Variants in HEPH observed in about 807,000 individuals in gnomAD.
HEPH encodes the protein hephaestin.
In HEPH, 69 loss-of-function variants were observed where a neutral mutation model predicts 80.8. The observed-to-expected ratio is 0.85, with a 90% CI of 0.70 to 1.04. The LOEUF (loss-of-function observed/expected upper bound fraction) is 1.04, where lower values mean the gene tolerates loss of function less well. Among genes scored for constraint, HEPH ranks in the 50% least tolerant of loss-of-function variants. HEPH has a pLI of 0.00. For synonymous variants in HEPH, 431 were observed against 322.8 expected (o/e 1.34, Z -3.60); for missense variants, 1,115 against 891.3 (o/e 1.25, Z -3.20).
In HEPH at chrX:66,188,528, C is replaced by T. The variant is rs748284323; in HGVS notation, c.795C>T (p.Ser265=). 4 of 1,206,091 alleles carry T rather than the reference C, an allele frequency of 3.3e-6. No homozygotes were observed. The South Asian group carries it at 7.2e-5, about 22-fold the overall frequency. The change falls in exon 5 of 21, where the codon AGC becomes AGT. Residue 265 remains serine (S), a synonymous_variant. Transcript: ENST00000343002. ...VDKEDETFQE[S]NRMHAINGFV... is the part of the protein sequence containing the mutation. Reference sequence around the variant, plus strand: ...AAGAAGATGAGACATTTCAGGAGAGCAATAGGATGCATGGTGAGTTGGGAA... The same window carrying T: ...AAGAAGATGAGACATTTCAGGAGAGTAATAGGATGCATGGTGAGTTGGGAA...
rs779329074 is a variant in HEPH, at chrX:66,248,933, G to A, written c.2564-6102G>A. Among the ~76,000 whole-genome samples, 31 of 111,815 alleles carry A rather than the reference G, an allele frequency of 2.8e-4. No individual in the cohort carries two copies. The Middle Eastern group carries it at 0.018, about 66-fold the overall frequency. On this transcript the variant is annotated intron_variant, in intron 15 of 20. Coordinates refer to ENST00000343002, the MANE Select transcript of HEPH (RefSeq NM_001367233.3). The stretch of plus-strand genomic sequence containing the variant: ...CAATAGTATGATGAGAGTTTTTTCT[G>A]ATGGTTTCAATTTTCTTATTCATAT...
chrX:66,194,416 G>T (rs751706308), intron 8 of HEPH, among the ~76,000 whole-genome samples: 1 of 111,327 alleles, frequency 9.0e-6, no homozygotes, highest in Admixed American at 9.6e-5. Context: ...ATTAGATGTG[G>T]AAATTGAATA....
chrX:66,235,139 T>C (rs2090309209), intron 15 of HEPH, among the ~76,000 whole-genome samples: 1 of 111,917 alleles, frequency 8.9e-6, no homozygotes, highest in African/African-American at 3.2e-5. Context: ...TTTTCAATTC[T>C]GTAGGTTTTC....
rs536075040 is a variant in HEPH, at chrX:66,227,346, A to G, written c.2563+19100A>G. Among the ~76,000 whole-genome samples the G allele has an allele frequency of 4.5e-4, 50 of 111,463 alleles. 1 individual carries two copies. In the South Asian group the frequency reaches 0.018, roughly 40 times the overall value. On this transcript the variant is annotated intron_variant, in intron 15 of 20. Coordinates refer to ENST00000343002, the MANE Select transcript of HEPH (RefSeq NM_001367233.3). ...CAACCAACATTATATTGAATGGGGA[A>G]AAGTTGAAAGCCTTCCCCCTGAGAA...
chrX:66,172,918 A>C (rs771388340), intron 3 of HEPH, among the ~76,000 whole-genome samples: 1 of 112,488 alleles, frequency 8.9e-6, no homozygotes, highest in South Asian at 3.7e-4. Context: ...CTATGAAAAG[A>C]AAAGAGAATG....
Position 66,179,555 on chromosome X carries a change from C to T in HEPH, c.625+5754C>T, listed in dbSNP as rs187508282. On this transcript the variant is annotated intron_variant, in intron 4 of 20. Coordinates refer to ENST00000343002, the MANE Select transcript of HEPH (RefSeq NM_001367233.3). ...CTTGGGCAGTATTGGATGAAATATT[C>T]TGTATGTATCTGTTAAGCCTATTTG... Among the ~76,000 whole-genome samples the T allele has an allele frequency of 2.3e-3, 258 of 111,142 alleles. 2 individuals carry two copies. Among genetic ancestry groups the T allele is most frequent in the African/African-American group, 8.1e-3 (248 of 30,704 alleles).
intron 15 of HEPH, among the ~76,000 whole-genome samples, chrX:66,219,883 G>A (rs1206895653): frequency 9.0e-6 from 1 of 111,256 alleles, no homozygotes; most frequent in Non-Finnish European, 1.9e-5. Context: ...GTGGGACTCT[G>A]GGTGGGTTCA....
chrX:66,267,186 T>A lies in HEPH; in HGVS notation c.*514T>A, dbSNP rs2091564548. On this transcript the variant is annotated 3_prime_UTR_variant, in exon 21 of 21. Coordinates refer to ENST00000343002, the MANE Select transcript of HEPH (RefSeq NM_001367233.3). Reference sequence around the variant, plus strand: ...ATTGGGAATCCAAATTGAATTTTGATTCTCCTTGGCAGTGAACTACTTTGA... The same window carrying A: ...ATTGGGAATCCAAATTGAATTTTGAATCTCCTTGGCAGTGAACTACTTTGA... The A allele has an allele frequency of 8.6e-6, 1 of 116,173 alleles. No individual in the cohort carries two copies. Among genetic ancestry groups the A allele is most frequent in the Non-Finnish European group, 1.8e-5 (1 of 55,465 alleles). 9.6% of individuals were successfully genotyped at this position (116,173 alleles called of 1,213,427 possible).
intron 15 of HEPH, among the ~76,000 whole-genome samples, chrX:66,245,141 A>T (rs1228653864): frequency 9.0e-6 from 1 of 111,192 alleles, no homozygotes; most frequent in Non-Finnish European, 1.9e-5. Context: ...ATTCACCTTA[A>T]ATGTAAATGG....
At chrX:66,222,705 A>G (rs1273008062) in intron 15 of HEPH, among the ~76,000 whole-genome samples, 1 of 111,491 alleles carries the variant, frequency 9.0e-6, no homozygotes, top group African/African-American at 3.3e-5. Context: ...ATTTCCCCAG[A>G]TTAAATGGTC....
intron 15 of HEPH, among the ~76,000 whole-genome samples, chrX:66,221,126 T>C (rs938932125): frequency 4.5e-5 from 5 of 111,298 alleles, no homozygotes; most frequent in Admixed American, 2.9e-4. Flanking sequence ...CCAGTCAGCT[T>C]CCGGGTGTGA....
intron 15 of HEPH, among the ~76,000 whole-genome samples, chrX:66,243,804 G>A (rs759437555): frequency 2.7e-5 from 3 of 112,332 alleles, no homozygotes; most frequent in African/African-American, 9.7e-5. Context: ...ATTGGTAAGG[G>A]TCTTTCCTTT....
intron 2 of HEPH, 111 bp downstream of exon 2, chrX:66,170,848 A>G: frequency 1.6e-6 from 1 of 640,596 alleles, no homozygotes; most frequent in Non-Finnish European, 2.4e-6. Flanking sequence ...CCAGCTCCTG[A>G]TTGCTCCGAG....
intron 4 of HEPH, among the ~76,000 whole-genome samples, chrX:66,177,125 AAAAC>A (rs1406053096): frequency 8.9e-6 from 1 of 111,933 alleles, no homozygotes; most frequent in Non-Finnish European, 1.9e-5. Flanking sequence ...TTACAAGAAA[AAAAC>A]AAACAACCCC....
intron 13 of HEPH, 44 bp from the exon 14 acceptor site, chrX:66,207,151 G>T: frequency 8.5e-7 from 1 of 1,176,280 alleles, no homozygotes; most frequent in Non-Finnish European, 1.1e-6. Context: ...TGAAAATGAG[G>T]GGTTGATGGC....
intron 6 of HEPH, among the ~76,000 whole-genome samples, chrX:66,191,433 T>G (rs1361688187): frequency 8.9e-6 from 1 of 112,076 alleles, no homozygotes; most frequent in Non-Finnish European, 1.9e-5. Flanking sequence ...GTTTCTAATT[T>G]ACAAATTTCA....
intron 4 of HEPH, among the ~76,000 whole-genome samples, chrX:66,179,120 G>A (rs1260112678): frequency 8.9e-6 from 1 of 111,988 alleles, no homozygotes; most frequent in African/African-American, 3.2e-5. Context: ...ATTAATTTTT[G>A]TATAAGGTGT....
chrX:66,200,883 T>C (rs2088405668), intron 12 of HEPH, 131 bp downstream of exon 12: 22 of 499,403 alleles, frequency 4.4e-5, no homozygotes, highest in Middle Eastern at 5.9e-4. Flanking sequence ...TTAAAAACAC[T>C]TGTCTTTTTC....
chrX:66,249,117 G>T (rs1003592358), intron 15 of HEPH, among the ~76,000 whole-genome samples: 1 of 111,304 alleles, frequency 9.0e-6, no homozygotes, highest in East Asian at 2.8e-4. Context: ...ACCCACGTGA[G>T]TAGAAACACT....
Sources: allele counts gnomAD v4.1 joint callset (sites outside exome capture counted in the v4.1 genomes callset), GRCh38; gene constraint gnomAD v4.1.1; transcripts MANE v1.5; gene names NCBI Gene and HGNC (gene_info 2026-07-23, HGNC 2026-07-21).